Variants in PCGF3 observed in about 807,000 individuals in gnomAD.
PCGF3 encodes the protein polycomb group RING finger protein 3.
Under a neutral mutation model 33.1 loss-of-function variants are expected in PCGF3, and 7 were observed. That is an observed-to-expected ratio of 0.21 (90% CI 0.12 to 0.40). The LOEUF is 0.40. Ranked by LOEUF, PCGF3 falls within the 10% of genes least tolerant of loss-of-function variation. PCGF3 has a pLI of 1.00. For missense variants in PCGF3, 211 were observed against 313.3 expected (o/e 0.67, Z 2.46); for synonymous variants, 153 against 121.3 (o/e 1.26, Z -1.72).
At chr4:733,568 T>G in intron 3 of PCGF3, 104 bp from the exon 4 acceptor site, 1 of 1,198,068 alleles carries the variant, frequency 8.3e-7, no homozygotes, top group Non-Finnish European at 1.2e-6. Flanking sequence ...CACCCAGGCC[T>G]CAGGGCCTGC....
chr4:740,379 T>G (rs1744033916), intron 6 of PCGF3, among the ~76,000 whole-genome samples: 1 of 152,270 alleles, frequency 6.6e-6, no homozygotes, highest in African/African-American at 2.4e-5. Flanking sequence ...TTTTTATAAA[T>G]TATTTTAGAA....
At chr4:763,544 A>G (rs1446928096) in intron 9 of PCGF3, among the ~76,000 whole-genome samples, 2 of 152,250 alleles carry the variant, frequency 1.3e-5, no homozygotes, top group East Asian at 1.9e-4. Flanking sequence ...CGCGTACCCC[A>G]TAGAAGGGCC....
intron 7 of PCGF3, 96 bp from the exon 8 acceptor site, chr4:744,504 A>T: frequency 1.1e-6 from 1 of 906,102 alleles, no homozygotes; most frequent in Non-Finnish European, 1.7e-6. Context: ...CTCTTAATGG[A>T]GTGAATTTTT....
rs114903981 is a variant in PCGF3, at chr4:720,328, G to A, written c.-189-10302G>A. On this transcript the variant is annotated intron_variant, in intron 1 of 10. Coordinates refer to ENST00000362003, the Ensembl canonical transcript of PCGF3. This position sits in a 1 kb window ranked among gnomAD's most constrained non-coding sequence, Gnocchi z 5.6. ...ATGCATCGCTGGGGAGGGTGACTGC[G>A]GGAGGAGCGCCTGTGCATCGCTGTG... 3.9e-3 allele frequency among the ~76,000 whole-genome samples: 590 copies of A among 152,192 alleles called. 5 individuals are homozygous for A. Among genetic ancestry groups the A allele is most frequent in the African/African-American group, 0.014 (570 of 41,556 alleles).
intron 1 of PCGF3, among the ~76,000 whole-genome samples, chr4:724,188 G>T (rs557615871): frequency 5.3e-5 from 8 of 152,366 alleles, no homozygotes; most frequent in African/African-American, 1.7e-4. Flanking sequence ...TCAGGCCCAC[G>T]TGGCCTTGGG....
In PCGF3 at chr4:731,460, G is replaced by A. The variant is rs1560203591; in HGVS notation, c.-10+350G>A. The A allele has an allele frequency of 1.6e-5, 5 of 313,988 alleles. No individual in the cohort carries two copies. The South Asian group carries it at 4.6e-4, about 29-fold the overall frequency. The allele number at this position is 313,988 out of a possible 1,614,324, so 19.5% of individuals were successfully genotyped here. Reference sequence around the variant, plus strand: ...CGGTCGGCTAGCATCCTGCAGGGAGGTCCTCAGGGGCGCAGGGCAGGGCTA... The same window carrying A: ...CGGTCGGCTAGCATCCTGCAGGGAGATCCTCAGGGGCGCAGGGCAGGGCTA... On this transcript the variant is annotated intron_variant, in intron 3 of 10. Coordinates refer to ENST00000362003, the Ensembl canonical transcript of PCGF3.
At chr4:726,632 C>A (rs1330269796) in intron 1 of PCGF3, among the ~76,000 whole-genome samples, 1 of 152,226 alleles carries the variant, frequency 6.6e-6, no homozygotes, top group Non-Finnish European at 1.5e-5. Flanking sequence ...CCTTAGCAAC[C>A]TCCAAAGGTT....
At chr4:752,457 T>TG (rs1290805616) in intron 8 of PCGF3, among the ~76,000 whole-genome samples, 1 of 152,234 alleles carries the variant, frequency 6.6e-6, no homozygotes, top group East Asian at 1.9e-4. Flanking sequence ...GCGGGTTTCA[T>TG]GGATGCACGG....
chr4:725,563 C>T (rs796762183), intron 1 of PCGF3, among the ~76,000 whole-genome samples: 3,995 of 98,210 alleles, frequency 0.041, 217 homozygotes, highest in Middle Eastern at 0.088. Context: ...GCTGTGGCTC[C>T]GTGGGCTGCC....
intron 4 of PCGF3, 187 bp from the exon 5 acceptor site, chr4:734,744 C>T: frequency 7.3e-7 from 1 of 1,377,282 alleles, no homozygotes; most frequent in Non-Finnish European, 9.4e-7. Context: ...CAATTAAAAC[C>T]TTCTCATTGC....
intron 8 of PCGF3, among the ~76,000 whole-genome samples, chr4:754,577 C>T (rs1163347824): frequency 6.6e-6 from 1 of 152,190 alleles, no homozygotes; most frequent in East Asian, 1.9e-4. Context: ...TGGTGCCAGG[C>T]TGCCCCACGT....
chr4:761,687 G>C (rs1302258822), intron 9 of PCGF3: 28 of 985,266 alleles, frequency 2.8e-5, no homozygotes, highest in Non-Finnish European at 3.0e-5. Context: ...ATAGGATAAA[G>C]GTTTTCCTCA....
intron 1 of PCGF3, among the ~76,000 whole-genome samples, chr4:718,475 T>C (rs1742948501): frequency 6.6e-6 from 1 of 152,158 alleles, no homozygotes; most frequent in Admixed American, 6.5e-5. Flanking sequence ...CAAATATTTG[T>C]ATAAACACTT....
intron 1 of PCGF3, among the ~76,000 whole-genome samples, chr4:727,293 G>A (rs1743373633): frequency 7.3e-6 from 1 of 137,482 alleles, no homozygotes; most frequent in Non-Finnish European, 1.5e-5. Context: ...CCAGGCTGGA[G>A]TGCAAGGCGC....
chr4:706,943 C>T (rs1284004917), intron 1 of PCGF3, among the ~76,000 whole-genome samples: 1 of 144,550 alleles, frequency 6.9e-6, no homozygotes, highest in East Asian at 2.1e-4. Context: ...AAGACCCCAG[C>T]CCAGGCAGGA....
intron 1 of PCGF3, among the ~76,000 whole-genome samples, chr4:725,957 C>G (rs1743316674): frequency 6.6e-6 from 1 of 152,168 alleles, no homozygotes; most frequent in Admixed American, 6.5e-5. Flanking sequence ...CTCTGTGTCT[C>G]CGATTAACCC....
chr4:724,008 GC>G (rs1271066612), intron 1 of PCGF3: 2 of 152,394 alleles, frequency 1.3e-5, no homozygotes, highest in African/African-American at 4.8e-5. Flanking sequence ...GATGGTGGGG[GC>G]TGCTGTCTGC....
chr4:765,311 T>C (rs997444302), intron 10 of PCGF3, among the ~76,000 whole-genome samples: 3 of 152,048 alleles, frequency 2.0e-5, no homozygotes, highest in Non-Finnish European at 2.9e-5. Flanking sequence ...TGGGCACCTG[T>C]AGTCTCAGCT....
At chr4:722,481 C>T (rs1743124407) in intron 1 of PCGF3, 1 of 274,784 alleles carries the variant, frequency 3.6e-6, no homozygotes, top group Non-Finnish European at 7.0e-6. Context: ...GCATCAGAGA[C>T]ACATCCATTC....
Sources: allele counts gnomAD v4.1 joint callset (sites outside exome capture counted in the v4.1 genomes callset), GRCh38; gene constraint gnomAD v4.1.1; non-coding constraint Gnocchi (gnomAD v3.1); transcripts MANE v1.5; gene names NCBI Gene and HGNC (gene_info 2026-07-23, HGNC 2026-07-21).